BCLAF1: variants seen among roughly 807,000 people sequenced by gnomAD.
The protein encoded by BCLAF1 is bcl-2-associated transcription factor 1.
In BCLAF1, 10 loss-of-function variants were observed where a neutral mutation model predicts 99.5. The observed-to-expected ratio is 0.10, with a 90% confidence interval of 0.06 to 0.17. The LOEUF is 0.17. BCLAF1 is among the 10% of genes least tolerant of loss of function. BCLAF1 has a pLI of 1.00. For missense variants in BCLAF1, 636 were observed against 1,105.8 expected, an observed-to-expected ratio of 0.58 and a Z score of 6.02; for synonymous variants, 255 against 370.9, an observed-to-expected ratio of 0.69 and a Z score of 3.59.
chr6:136,276,669 C>T (rs1308634751), intron 4 of BCLAF1, among the ~76,000 whole-genome samples, 161 bp from the exon 5 acceptor site: 2 of 152,164 alleles, frequency 1.3e-5, no homozygotes, highest in Non-Finnish European at 2.9e-5. Context: ...TCATTGAAAG[C>T]ATCCATATAG....
chr6:136,265,494 A>G (rs746468123), intron 11 of BCLAF1, among the ~76,000 whole-genome samples: 13 of 152,154 alleles, frequency 8.5e-5, no homozygotes, highest in Non-Finnish European at 1.5e-4. Flanking sequence ...CAAATTGCTT[A>G]ACTTTTAACA....
At chr6:136,287,183 G>A (rs991655047) in intron 1 of BCLAF1, among the ~76,000 whole-genome samples, 2 of 151,568 alleles carry the variant, frequency 1.3e-5, no homozygotes, top group African/African-American at 4.8e-5. Context: ...GCGGGCCGGC[G>A]CCTGTAGTCC....
Position 136,269,587 on chromosome 6 carries a change from G to A in BCLAF1, c.2069C>T (p.Ser690Phe), listed in dbSNP as rs760294338. The A allele has an allele frequency of 6.2e-7, 1 of 1,600,554 alleles. No homozygotes were observed. Among genetic ancestry groups the A allele is most frequent in the Non-Finnish European group, 8.5e-7 (1 of 1,175,976 alleles). ...QKGDKKLRCD[S>F]ADLRHDIDRR... ...ATCAATGTCATGCCGAAGGTCAGCA[G>A]AGTCACACCTTAATTTTTTATCTCC... is the stretch of plus-strand genomic sequence containing the variant. Residue 690 changes from serine (S) to phenylalanine (F), a missense_variant, in exon 9 of 13, where the codon TCT (serine) becomes TTT (phenylalanine). Transcript: ENST00000531224.
At chr6:136,263,814 A>G (rs1300427573) in intron 11 of BCLAF1, among the ~76,000 whole-genome samples, 1 of 152,182 alleles carries the variant, frequency 6.6e-6, no homozygotes, top group East Asian at 1.9e-4. Flanking sequence ...ACCCCTCCAT[A>G]GAATTTCAGG....
At chr6:136,265,924 C>G (rs1479360226) in intron 11 of BCLAF1, among the ~76,000 whole-genome samples, 1 of 152,026 alleles carries the variant, frequency 6.6e-6, no homozygotes, top group South Asian at 2.1e-4. Flanking sequence ...ATTCTTGAAC[C>G]AAGTAGATGG....
At chr6:136,279,109 A>G (rs1479220630) in intron 3 of BCLAF1, among the ~76,000 whole-genome samples, 2 of 152,202 alleles carry the variant, frequency 1.3e-5, no homozygotes, top group East Asian at 3.9e-4. Context: ...TGATGTTGTA[A>G]AAGAATATTT....
intron 7 of BCLAF1, among the ~76,000 whole-genome samples, chr6:136,272,871 G>T (rs909432296): frequency 6.6e-6 from 1 of 151,842 alleles, no homozygotes; most frequent in Admixed American, 6.6e-5. Flanking sequence ...AGTAATAAGA[G>T]TTAATATTTC....
At position 136,269,821 on chromosome 6, in the gene BCLAF1, G is replaced by T. The variant is rs946973820; in HGVS notation, c.2044-209C>A. ...AACATTTGTGTATACAAAGTGCAGTGGGACTGGGGAAATTATTAAAAGCTA... is the reference window on the plus strand; with the variant it reads ...AACATTTGTGTATACAAAGTGCAGTTGGACTGGGGAAATTATTAAAAGCTA... On this transcript the variant is annotated intron_variant, in intron 8 of 12. Coordinates refer to ENST00000531224, the MANE Select transcript of BCLAF1 (RefSeq NM_014739.3). 1.1e-5 allele frequency: 4 copies of T among 378,004 alleles called. No homozygotes were observed. The South Asian group carries it at 4.2e-4, about 39-fold the overall frequency. 23.4% of individuals were successfully genotyped at this position (378,004 alleles called of 1,614,324 possible).
At chr6:136,267,701 TAATGTATA>T (rs1421796954) in intron 10 of BCLAF1, among the ~76,000 whole-genome samples, 1 of 151,954 alleles carries the variant, frequency 6.6e-6, no homozygotes, top group African/African-American at 2.4e-5. Flanking sequence ...AACATGGGGA[TAATGTATA>T]TGCTATGTGA....
intron 1 of BCLAF1, among the ~76,000 whole-genome samples, chr6:136,285,433 C>T (rs984527563): frequency 9.9e-5 from 15 of 152,260 alleles, no homozygotes; most frequent in African/African-American, 3.4e-4. Context: ...TGCCCACAGT[C>T]GGAGTGTAAA....
At chr6:136,280,108 A>T (rs576734730) in intron 2 of BCLAF1, among the ~76,000 whole-genome samples, 2 of 152,168 alleles carry the variant, frequency 1.3e-5, no homozygotes, top group Non-Finnish European at 2.9e-5. Flanking sequence ...ATTTTTACGG[A>T]CTGCCCCACT....
chr6:136,270,141 G>A (rs1293900479), intron 8 of BCLAF1, among the ~76,000 whole-genome samples: 2 of 151,622 alleles, frequency 1.3e-5, no homozygotes, highest in Non-Finnish European at 3.0e-5. Context: ...TCAGAAGTAA[G>A]AATTCTATAA....
chr6:136,279,619 T>C, intron 3 of BCLAF1, 144 bp downstream of exon 3: 2 of 887,424 alleles, frequency 2.3e-6, no homozygotes, highest in Non-Finnish European at 2.9e-6. Context: ...TTTTCTCGCT[T>C]ACAATAAGGA....
At chr6:136,276,895 ATAT>A (rs1562252886) in intron 4 of BCLAF1, among the ~76,000 whole-genome samples, 1 of 152,184 alleles carries the variant, frequency 6.6e-6, no homozygotes. Flanking sequence ...AAAATTCCAG[ATAT>A]TATCTATTAA....
chr6:136,264,833 T>C (rs894375575), intron 11 of BCLAF1, among the ~76,000 whole-genome samples: 3 of 152,190 alleles, frequency 2.0e-5, no homozygotes, highest in African/African-American at 7.2e-5. Context: ...AATCAATGTT[T>C]ATGTTTTATA....
At chr6:136,266,616 A>G (rs951175360) in intron 11 of BCLAF1, among the ~76,000 whole-genome samples, 2 of 152,062 alleles carry the variant, frequency 1.3e-5, no homozygotes, top group Non-Finnish European at 2.9e-5. Flanking sequence ...TAAAATTCTT[A>G]ATTACACGTA....
intron 4 of BCLAF1, among the ~76,000 whole-genome samples, chr6:136,277,633 C>T (rs1354919581): frequency 6.6e-6 from 1 of 152,096 alleles, no homozygotes; most frequent in Non-Finnish European, 1.5e-5. Flanking sequence ...CTCAAGAGAT[C>T]CTCCCGCCTC....
intron 6 of BCLAF1, 61 bp from the exon 7 acceptor site, chr6:136,273,248 G>C: frequency 7.2e-7 from 1 of 1,389,360 alleles, no homozygotes; most frequent in Non-Finnish European, 1.0e-6. Context: ...AGATTTGTTT[G>C]TGACAGAAGG....
chr6:136,265,027 C>T (rs191049715), intron 11 of BCLAF1, among the ~76,000 whole-genome samples: 4 of 152,234 alleles, frequency 2.6e-5, no homozygotes, highest in East Asian at 1.9e-4. Context: ...CATAGAAAAA[C>T]GGCCTAAATT....
Sources: allele counts gnomAD v4.1 joint callset (sites outside exome capture counted in the v4.1 genomes callset), GRCh38; gene constraint gnomAD v4.1.1; transcripts MANE v1.5; gene names NCBI Gene and HGNC (gene_info 2026-07-23, HGNC 2026-07-21).